Variants in PPM1E observed in about 807,000 individuals in gnomAD.
PPM1E encodes protein phosphatase, Mg2+/Mn2+ dependent 1E, also known as protein phosphatase 1E.
A neutral mutation model predicts 65.9 loss-of-function variants in PPM1E; 20 were observed. The observed-to-expected ratio is 0.30, with a 90% CI of 0.21 to 0.44. The LOEUF is 0.44. Among genes scored for constraint, PPM1E ranks in the 20% least tolerant of loss-of-function variants. The probability of loss-of-function intolerance (pLI) is 1.00; values close to 1 mark genes in which losing one functional copy is unlikely to be tolerated. For synonymous variants in PPM1E, 352 were observed against 374.9 expected (o/e 0.94, Z 0.70); for missense variants, 713 against 953.1 (o/e 0.75, Z 3.32).
chr17:58,797,569 A>T (rs1417105007), intron 1 of PPM1E, among the ~76,000 whole-genome samples: 2 of 152,198 alleles, frequency 1.3e-5, no homozygotes, highest in African/African-American at 4.8e-5. Flanking sequence ...ATTGCTGAGT[A>T]GTATTTGATT....
intron 1 of PPM1E, among the ~76,000 whole-genome samples, chr17:58,815,539 A>G (rs1485110480): frequency 2.0e-5 from 3 of 152,028 alleles, no homozygotes; most frequent in Admixed American, 6.6e-5. Flanking sequence ...GAGGATGTGA[A>G]CTTTCTTTTG....
chr17:58,982,971 T>A lies in PPM1E; in HGVS notation c.*1940T>A. ...AGCAGACTATTGGTACACATTATAG[T>A]CCAAAGTGCTTAGCGAAGTAAAAAA... On this transcript the variant is annotated 3_prime_UTR_variant, in exon 7 of 7. Transcript: ENST00000308249. 6.6e-7 allele frequency: 1 copy of A among 1,513,348 alleles called. No individual in the cohort carries two copies. Among genetic ancestry groups the A allele is most frequent in the Non-Finnish European group, 9.0e-7 (1 of 1,113,814 alleles). The allele number at this position is 1,513,348 out of a possible 1,614,324, so 93.7% of individuals were successfully genotyped here.
At chr17:58,876,187 A>G (rs941062306) in intron 1 of PPM1E, among the ~76,000 whole-genome samples, 5 of 152,198 alleles carry the variant, frequency 3.3e-5, no homozygotes, top group Non-Finnish European at 5.9e-5. Context: ...AGCATGTTCT[A>G]TAAAATTTCA....
At chr17:58,856,292 T>C (rs1016359210) in intron 1 of PPM1E, among the ~76,000 whole-genome samples, 6 of 152,168 alleles carry the variant, frequency 3.9e-5, no homozygotes, top group African/African-American at 1.4e-4. Context: ...GAGGCTGTAA[T>C]GCAATGGCGC....
chr17:58,904,979 G>A (rs1170761124), intron 1 of PPM1E, among the ~76,000 whole-genome samples: 6 of 151,956 alleles, frequency 3.9e-5, no homozygotes, highest in South Asian at 2.1e-4. Flanking sequence ...AGCCGAGGTC[G>A]TGCCATTGCA....
Position 58,982,986 on chromosome 17 carries a change from G to A in PPM1E, c.*1955G>A, listed in dbSNP as rs981311033. 12 of 1,404,090 alleles carry A rather than the reference G, an allele frequency of 8.5e-6. No individual in the cohort carries two copies. Among genetic ancestry groups the A allele is most frequent in the Admixed American group, 4.5e-5 (2 of 44,254 alleles). The allele number at this position is 1,404,090 out of a possible 1,614,324, so 87.0% of individuals were successfully genotyped here. On this transcript the variant is annotated 3_prime_UTR_variant, in exon 7 of 7. Transcript: ENST00000308249. ...CACATTATAGTCCAAAGTGCTTAGC[G>A]AAGTAAAAAAAAAAGCTTTTTAAAA...
intron 1 of PPM1E, among the ~76,000 whole-genome samples, chr17:58,770,163 A>G (rs1365181343): frequency 1.3e-5 from 2 of 152,182 alleles, no homozygotes; most frequent in Non-Finnish European, 2.9e-5. Flanking sequence ...TGGAATCATC[A>G]TTGCAAAATC....
intron 1 of PPM1E, among the ~76,000 whole-genome samples, chr17:58,883,315 A>G (rs890311478): frequency 6.6e-6 from 1 of 151,720 alleles, no homozygotes; most frequent in African/African-American, 2.4e-5. Flanking sequence ...GTTTTTTAAA[A>G]GTTTTGTTTG....
At chr17:58,912,628 A>G (rs1034912608) in intron 1 of PPM1E, among the ~76,000 whole-genome samples, 11 of 152,198 alleles carry the variant, frequency 7.2e-5, no homozygotes, top group African/African-American at 2.7e-4. Context: ...TACAGCTTCT[A>G]AAACTCTTAG....
intron 1 of PPM1E, among the ~76,000 whole-genome samples, chr17:58,843,946 AC>A (rs2050746606): frequency 6.6e-6 from 1 of 152,212 alleles, no homozygotes; most frequent in African/African-American, 2.4e-5. Context: ...CAAATATCTG[AC>A]CTTCAAAGGA....
In PPM1E at chr17:58,813,834, G is replaced by A. The variant is rs74722650; in HGVS notation, c.464+57373G>A. 3.3e-4 allele frequency among the ~76,000 whole-genome samples: 50 copies of A among 152,220 alleles called. 4 individuals carry two copies. In the East Asian group the frequency reaches 9.6e-3, roughly 29 times the overall value. ...TGAGAAGTAGACATATGTACTGGAG[G>A]CAACCTAGCTTGGTGTGATGAGCAA... On this transcript the variant is annotated intron_variant, in intron 1 of 6. Transcript: ENST00000308249.
intron 1 of PPM1E, among the ~76,000 whole-genome samples, chr17:58,773,735 T>C (rs2144183115): frequency 6.6e-6 from 1 of 152,318 alleles, no homozygotes; most frequent in South Asian, 2.1e-4. Context: ...GCAGTGTTTC[T>C]TAAGTGTTGA....
chr17:58,829,522 T>C (rs2143170915), intron 1 of PPM1E, among the ~76,000 whole-genome samples: 2 of 152,310 alleles, frequency 1.3e-5, no homozygotes, highest in East Asian at 3.9e-4. Context: ...TTTATAAGGC[T>C]TTCATCTTGG....
At chr17:58,883,552 C>T (rs1356877725) in intron 1 of PPM1E, among the ~76,000 whole-genome samples, 1 of 143,082 alleles carries the variant, frequency 7.0e-6, no homozygotes, top group African/African-American at 2.6e-5. Context: ...GGCGCGATCT[C>T]GGCTCACTGC....
chr17:58,895,597 A>G (rs2051402779), intron 1 of PPM1E, among the ~76,000 whole-genome samples: 1 of 152,058 alleles, frequency 6.6e-6, no homozygotes, highest in Non-Finnish European at 1.5e-5. Flanking sequence ...ACTTGAGCCC[A>G]GGAGTTTGTG....
intron 3 of PPM1E, among the ~76,000 whole-genome samples, chr17:58,967,263 A>G (rs1462892608): frequency 1.3e-5 from 2 of 152,166 alleles, no homozygotes; most frequent in Non-Finnish European, 2.9e-5. Flanking sequence ...AGTCTTAGGC[A>G]TGTGTTTTGT....
At chr17:58,798,854 C>A (rs1004483107) in intron 1 of PPM1E, among the ~76,000 whole-genome samples, 5 of 151,862 alleles carry the variant, frequency 3.3e-5, no homozygotes, top group Admixed American at 1.3e-4. Context: ...CCACCATGCT[C>A]GGCTAAATTT....
Position 58,922,308 on chromosome 17 carries a change from A to C in PPM1E, c.465-33341A>C, listed in dbSNP as rs572281653. Among the ~76,000 whole-genome samples the C allele has an allele frequency of 7.9e-5, 12 of 152,212 alleles. No homozygotes were observed. In the East Asian group the frequency reaches 2.1e-3, roughly 27 times the overall value. On this transcript the variant is annotated intron_variant, in intron 1 of 6. Coordinates refer to ENST00000308249, the MANE Select transcript of PPM1E (RefSeq NM_014906.5). ...TCACATTCAGCTGTCTGAATGCTGC[A>C]GTGGCACGATCATAGCTCACTGCAA... is the stretch of plus-strand genomic sequence containing the variant.
chr17:58,835,714 A>T (rs558386171), intron 1 of PPM1E, among the ~76,000 whole-genome samples: 2 of 151,904 alleles, frequency 1.3e-5, no homozygotes, highest in African/African-American at 2.4e-5. Flanking sequence ...AAAAAATTTT[A>T]AAAAATTAGC....
Sources: allele counts gnomAD v4.1 joint callset (sites outside exome capture counted in the v4.1 genomes callset), GRCh38; gene constraint gnomAD v4.1.1; transcripts MANE v1.5; gene names NCBI Gene and HGNC (gene_info 2026-07-23, HGNC 2026-07-21).